IGF2BP2: variants seen among roughly 807,000 people sequenced by gnomAD.
IGF2BP2 encodes the protein insulin like growth factor 2 mRNA binding protein 2.
Under a neutral mutation model 75.8 loss-of-function variants are expected in IGF2BP2, and 17 were observed. The ratio of observed to expected loss-of-function variants is 0.22; its 90% CI spans 0.15 to 0.34. The LOEUF (loss-of-function observed/expected upper bound fraction) is 0.34, where lower values mean the gene tolerates loss of function less well. Ranked by LOEUF, IGF2BP2 falls within the 10% of genes least tolerant of loss-of-function variation. The probability of loss-of-function intolerance (pLI) is 1.00; values close to 1 mark genes in which losing one functional copy is unlikely to be tolerated. For synonymous variants in IGF2BP2, 288 were observed against 295.6 expected, an observed-to-expected ratio of 0.97 and a Z score of 0.26; for missense variants, 516 against 772.4, an observed-to-expected ratio of 0.67 and a Z score of 3.93.
intron 2 of IGF2BP2, among the ~76,000 whole-genome samples, chr3:185,723,646 C>T (rs537790467): frequency 2.6e-5 from 4 of 152,226 alleles, no homozygotes; most frequent in Non-Finnish European, 5.9e-5. Flanking sequence ...TAGCTCTGAA[C>T]AGGCGCTGAG....
At chr3:185,822,482 C>T (rs764159458) in intron 2 of IGF2BP2, among the ~76,000 whole-genome samples, 1 of 152,164 alleles carries the variant, frequency 6.6e-6, no homozygotes. Context: ...CTTGTTACTC[C>T]GTCATTAACA....
intron 2 of IGF2BP2, among the ~76,000 whole-genome samples, chr3:185,780,178 G>T (rs1245943287): frequency 6.6e-6 from 1 of 152,084 alleles, no homozygotes; most frequent in Non-Finnish European, 1.5e-5. Flanking sequence ...ATTCTCTCTG[G>T]ATACATATAC....
chr3:185,645,302 C>A lies in IGF2BP2; in HGVS notation c.*229G>T, dbSNP rs1329335468. On this transcript the variant is annotated 3_prime_UTR_variant, in exon 16 of 16. Transcript: ENST00000382199. The surrounding 1 kb of genome is among the most constrained non-coding windows in gnomAD (Gnocchi z 4.9). ...TGAAGCCTGCAGAAGCCCTGGGGGG[C>A]GGGAGGCGGGGCTCGGTGGTTCTGG... 1.8e-5 allele frequency: 10 copies of A among 548,192 alleles called. No individual in the cohort carries two copies. The highest frequency in any genetic ancestry group is 5.0e-5 in the South Asian group (2 of 39,924). 34.0% of individuals were successfully genotyped at this position (548,192 alleles called of 1,614,324 possible). A position where few individuals can be genotyped will look rare whatever the true frequency, so the allele number is the denominator to read the frequency against.
At chr3:185,823,273 G>GT in intron 1 of IGF2BP2, 60 bp from the exon 2 acceptor site, 1 of 1,318,086 alleles carries the variant, frequency 7.6e-7, no homozygotes. Flanking sequence ...CGGGGGTCTA[G>GT]GGGGGGCACG....
intron 2 of IGF2BP2, among the ~76,000 whole-genome samples, chr3:185,730,943 A>G (rs2149514338): frequency 2.6e-5 from 4 of 152,294 alleles, no homozygotes; most frequent in Middle Eastern, 6.8e-3. Context: ...TAATACCTCA[A>G]TGTGGTTTTA....
At chr3:185,783,838 G>A (rs995415203) in intron 2 of IGF2BP2, among the ~76,000 whole-genome samples, 8 of 152,098 alleles carry the variant, frequency 5.3e-5, no homozygotes, top group Non-Finnish European at 7.4e-5. Flanking sequence ...ATATTTTTAC[G>A]TTAAAGCAAA....
At chr3:185,716,573 C>G (rs377678026) in intron 2 of IGF2BP2, 4 of 520,168 alleles carry the variant, frequency 7.7e-6, no homozygotes, top group Non-Finnish European at 1.5e-5. Context: ...GGCCACCAGA[C>G]TCACGTCCTC....
At chr3:185,744,669 C>T (rs908355943) in intron 2 of IGF2BP2, among the ~76,000 whole-genome samples, 2 of 152,014 alleles carry the variant, frequency 1.3e-5, no homozygotes, top group Non-Finnish European at 2.9e-5. Flanking sequence ...ATTAGCTGGG[C>T]GTGGTGGCCG....
intron 2 of IGF2BP2, among the ~76,000 whole-genome samples, chr3:185,775,339 T>G (rs1734410854): frequency 6.6e-6 from 1 of 152,196 alleles, no homozygotes. Context: ...AGCAAACATT[T>G]CAATGAACAC....
At position 185,764,144 on chromosome 3, in the gene IGF2BP2, T is replaced by C. The variant is rs187294328; in HGVS notation, c.239+59009A>G. On this transcript the variant is annotated intron_variant, in intron 2 of 15. Coordinates refer to ENST00000382199, the MANE Select transcript of IGF2BP2 (RefSeq NM_006548.6). Reference sequence around the variant, plus strand: ...ACACTTTTCTTAAAAAATACTATTATATGTCTATTATATAAGTAATTGGAA... The same window carrying C: ...ACACTTTTCTTAAAAAATACTATTACATGTCTATTATATAAGTAATTGGAA... Among the ~76,000 whole-genome samples, 4 of 151,626 alleles carry C rather than the reference T, an allele frequency of 2.6e-5. No individual in the cohort carries two copies. In the East Asian group the frequency reaches 5.9e-4, roughly 22 times the overall value.
chr3:185,766,720 A>G (rs1400758443), intron 2 of IGF2BP2, among the ~76,000 whole-genome samples: 1 of 152,220 alleles, frequency 6.6e-6, no homozygotes, highest in East Asian at 1.9e-4. Flanking sequence ...ATTTCATTTA[A>G]TACTTTATAG....
At position 185,708,004 on chromosome 3, in the gene IGF2BP2, C is replaced by T. The variant is rs374607764; in HGVS notation, c.240-9657G>A. On this transcript the variant is annotated intron_variant, in intron 2 of 15. Transcript: ENST00000382199. ...GGTAAACCCAAAACATTCTTCACAGCGTGTTTGGCATGAAGGTTTTCCCAA... is the reference window on the plus strand; with the variant it reads ...GGTAAACCCAAAACATTCTTCACAGTGTGTTTGGCATGAAGGTTTTCCCAA... Among the ~76,000 whole-genome samples the T allele has an allele frequency of 3.2e-4, 48 of 152,274 alleles. No individual in the cohort carries two copies. The South Asian group carries it at 8.5e-3, about 27-fold the overall frequency.
At chr3:185,729,852 G>A (rs1000357337) in intron 2 of IGF2BP2, 1 of 152,198 alleles carries the variant, frequency 6.6e-6, no homozygotes, top group Non-Finnish European at 1.5e-5. Flanking sequence ...GCATCAGATT[G>A]AGTGCAGAGG....
intron 2 of IGF2BP2, among the ~76,000 whole-genome samples, chr3:185,710,964 A>G (rs568678358): frequency 6.6e-6 from 1 of 152,320 alleles, no homozygotes; most frequent in South Asian, 2.1e-4. Flanking sequence ...GAAGAATATT[A>G]TTAGCTCTCA....
intron 2 of IGF2BP2, among the ~76,000 whole-genome samples, chr3:185,819,382 T>A (rs912362798): frequency 1.3e-5 from 2 of 152,150 alleles, no homozygotes; most frequent in Admixed American, 1.3e-4. Flanking sequence ...TAAATCTCAT[T>A]GGTTTCTAAT....
chr3:185,793,852 G>A (rs1048372596), intron 2 of IGF2BP2, among the ~76,000 whole-genome samples: 2 of 151,900 alleles, frequency 1.3e-5, no homozygotes, highest in South Asian at 4.2e-4. Flanking sequence ...GCTCTATGGA[G>A]TTTTGGCCCT....
At chr3:185,811,830 GTCTCTCTCTCTCTCTCTCTCTCTCTC>G (rs58208457) in intron 2 of IGF2BP2, among the ~76,000 whole-genome samples, 16 of 120,806 alleles carry the variant, frequency 1.3e-4, no homozygotes, top group Admixed American at 8.1e-4. Flanking sequence ...AGAGTAGGGT[GTCTCTCTCTCTCTCTCTCTCTCTCTC>G]TCTCTCTCTC....
intron 13 of IGF2BP2, among the ~76,000 whole-genome samples, chr3:185,651,514 T>G (rs1714596972): frequency 6.6e-6 from 1 of 152,238 alleles, no homozygotes; most frequent in Admixed American, 6.5e-5. Flanking sequence ...TGCCCCTGGC[T>G]GAGGCTATTG....
intron 2 of IGF2BP2, among the ~76,000 whole-genome samples, chr3:185,735,675 C>T (rs1421370555): frequency 6.6e-6 from 1 of 152,192 alleles, no homozygotes; most frequent in Non-Finnish European, 1.5e-5. Context: ...AGGCTCCTTA[C>T]CCCAGGAACC....
Sources: allele counts gnomAD v4.1 joint callset (sites outside exome capture counted in the v4.1 genomes callset), GRCh38; gene constraint gnomAD v4.1.1; non-coding constraint Gnocchi (gnomAD v3.1); transcripts MANE v1.5; gene names NCBI Gene and HGNC (gene_info 2026-07-23, HGNC 2026-07-21).